Variants in CSMD1 observed in about 807,000 individuals in gnomAD.
CSMD1 encodes the protein CUB and sushi domain-containing protein 1.
In CSMD1, 213 loss-of-function variants were observed where a neutral mutation model predicts 417.5. The ratio of observed to expected loss-of-function variants is 0.51; its 90% CI spans 0.46 to 0.57. The LOEUF (loss-of-function observed/expected upper bound fraction) is 0.57. CSMD1 is among the 20% of genes least tolerant of loss of function. CSMD1 has a pLI of 0.00. For missense variants in CSMD1, 6,923 were observed against 4,529.7 expected (o/e 1.53, Z -15.17); for synonymous variants, 2,862 against 1,736.8 (o/e 1.65, Z -16.11).
intron 3 of CSMD1, among the ~76,000 whole-genome samples, chr8:4,292,730 G>T (rs1050108206): frequency 6.6e-6 from 1 of 151,928 alleles, no homozygotes; most frequent in African/African-American, 2.4e-5. Flanking sequence ...TTAATATTAG[G>T]CCTCTAGTAT....
intron 2 of CSMD1, among the ~76,000 whole-genome samples, chr8:4,629,449 T>C (rs1473087084): frequency 6.6e-6 from 1 of 152,242 alleles, no homozygotes. Flanking sequence ...ATATTTTACC[T>C]GCTTTTCAAT....
chr8:3,668,277 G>A (rs1798808861), intron 7 of CSMD1, among the ~76,000 whole-genome samples: 1 of 152,140 alleles, frequency 6.6e-6, no homozygotes, highest in Non-Finnish European at 1.5e-5. Flanking sequence ...TGCGAAGATG[G>A]CCCTGTGTAA....
intron 49 of CSMD1, among the ~76,000 whole-genome samples, chr8:3,078,969 G>A (rs1156327734): frequency 4.2e-5 from 5 of 117,918 alleles, no homozygotes; most frequent in East Asian, 2.4e-4. Context: ...CCTTCAAAAC[G>A]GGGGGGAGCA....
intron 3 of CSMD1, among the ~76,000 whole-genome samples, chr8:4,196,733 G>A (rs192844431): frequency 6.6e-6 from 1 of 152,200 alleles, no homozygotes; most frequent in African/African-American, 2.4e-5. Flanking sequence ...AATTAGGATG[G>A]TCTCTATCTC....
At chr8:4,534,836 C>A (rs1396778206) in intron 2 of CSMD1, among the ~76,000 whole-genome samples, 1 of 152,070 alleles carries the variant, frequency 6.6e-6, no homozygotes, top group Admixed American at 6.6e-5. Flanking sequence ...GATCTCAGCT[C>A]GATGCAAGCT....
chr8:4,900,765 C>T lies in CSMD1; in HGVS notation c.85+93567G>A, dbSNP rs140555187. ...TCCTTTCATTTTCAGCTCAGAATCA[C>T]ATTCTCTCAACAGAATTCACTGACT... On this transcript the variant is annotated intron_variant, in intron 1 of 69. Coordinates refer to ENST00000635120, the MANE Select transcript of CSMD1 (RefSeq NM_033225.6). 4.2e-3 allele frequency among the ~76,000 whole-genome samples: 643 copies of T among 152,340 alleles called. 5 individuals are homozygous for T. The highest frequency in any genetic ancestry group is 0.015 in the African/African-American group (610 of 41,586).
intron 1 of CSMD1, among the ~76,000 whole-genome samples, chr8:4,768,208 T>C (rs1431651528): frequency 6.6e-6 from 1 of 152,142 alleles, no homozygotes; most frequent in African/African-American, 2.4e-5. Flanking sequence ...GCCTTTTATG[T>C]TGGAATGAGC....
In CSMD1 at chr8:3,998,227, G is replaced by C. The variant is rs78106852; in HGVS notation, c.611-117C>G. The C allele has an allele frequency of 1.0e-5, 8 of 799,016 alleles. No homozygotes were observed. The Admixed American group carries it at 1.1e-4, about 11-fold the overall frequency. The allele number at this position is 799,016 out of a possible 1,614,324, so 49.5% of individuals were successfully genotyped here. ...AAATATTTTCTGAACCCAAAATTGAGACACTCAATCTGAAAAAGAATCTTT... is the reference window on the plus strand; with the variant it reads ...AAATATTTTCTGAACCCAAAATTGACACACTCAATCTGAAAAAGAATCTTT... On this transcript the variant is annotated intron_variant, in intron 4 of 69. Coordinates refer to ENST00000635120, the MANE Select transcript of CSMD1 (RefSeq NM_033225.6).
chr8:3,773,452 A>G (rs921603402), intron 5 of CSMD1, among the ~76,000 whole-genome samples: 6 of 151,922 alleles, frequency 3.9e-5, no homozygotes, highest in African/African-American at 1.5e-4. Context: ...ATGCCTGGCT[A>G]ATTATTGTAT....
At chr8:3,742,533 A>G (rs17067303) in intron 6 of CSMD1, among the ~76,000 whole-genome samples, 3,738 of 152,290 alleles carry the variant, frequency 0.025, 164 homozygotes, top group African/African-American at 0.086. Context: ...TGAAAATAAA[A>G]TAAACCTGCC....
intron 10 of CSMD1, among the ~76,000 whole-genome samples, chr8:3,555,768 G>C (rs773956114): frequency 3.9e-5 from 6 of 152,050 alleles, no homozygotes; most frequent in Non-Finnish European, 5.9e-5. Flanking sequence ...TCTAATTTTA[G>C]ATAGTTAGAT....
intron 3 of CSMD1, among the ~76,000 whole-genome samples, chr8:4,067,877 G>C (rs943680442): frequency 1.3e-5 from 2 of 152,092 alleles, no homozygotes; most frequent in Non-Finnish European, 2.9e-5. Context: ...AAGAGATGGA[G>C]ACCATCCTGG....
intron 62 of CSMD1, among the ~76,000 whole-genome samples, chr8:2,960,423 G>A (rs1203290487): frequency 6.6e-6 from 1 of 152,158 alleles, no homozygotes; most frequent in Non-Finnish European, 1.5e-5. Context: ...TAATTGATGA[G>A]ATCCCTATAT....
intron 9 of CSMD1, among the ~76,000 whole-genome samples, chr8:3,583,719 G>A (rs1049403035): frequency 5.3e-5 from 8 of 152,110 alleles, no homozygotes; most frequent in African/African-American, 1.9e-4. Flanking sequence ...CTGCCATTTG[G>A]AAGCTACAGC....
At chr8:4,073,287 G>T (rs1055531474) in intron 3 of CSMD1, among the ~76,000 whole-genome samples, 7 of 152,134 alleles carry the variant, frequency 4.6e-5, no homozygotes, top group African/African-American at 1.7e-4. Context: ...GTTGAAAGAA[G>T]AGAGTAAAGA....
intron 7 of CSMD1, among the ~76,000 whole-genome samples, chr8:3,652,230 C>T (rs574931760): frequency 6.6e-6 from 1 of 151,688 alleles, no homozygotes; most frequent in Non-Finnish European, 1.5e-5. Flanking sequence ...CCATCACCAC[C>T]AGAGCGCCTA....
intron 1 of CSMD1, among the ~76,000 whole-genome samples, chr8:4,711,178 C>A (rs975806550): frequency 6.6e-6 from 1 of 150,718 alleles, no homozygotes; most frequent in Admixed American, 6.6e-5. Flanking sequence ...AAACCATGAT[C>A]CTTTTATTAC....
intron 9 of CSMD1, among the ~76,000 whole-genome samples, chr8:3,579,843 C>T (rs7818857): frequency 0.017 from 2,559 of 152,278 alleles, 75 homozygotes; most frequent in African/African-American, 0.057. Context: ...GTGGCTCACG[C>T]CTTTAATTTC....
intron 49 of CSMD1, among the ~76,000 whole-genome samples, chr8:3,071,838 C>G (rs1813344863): frequency 1.3e-5 from 2 of 152,136 alleles, no homozygotes; most frequent in Admixed American, 6.5e-5. Context: ...GGTCACCAAA[C>G]CTGTCCAGTT....
Sources: allele counts gnomAD v4.1 joint callset (sites outside exome capture counted in the v4.1 genomes callset), GRCh38; gene constraint gnomAD v4.1.1; transcripts MANE v1.5; gene names NCBI Gene and HGNC (gene_info 2026-07-23, HGNC 2026-07-21).